The following CEP152 variants were observed in gnomAD, a reference collection of about 807,000 sequenced individuals.
The protein encoded by CEP152 is centrosomal protein 152.
CEP152 carries 132 observed loss-of-function variants against 188.9 expected under a neutral mutation model. The observed-to-expected ratio is 0.70, with a 90% CI of 0.61 to 0.81. The LOEUF (loss-of-function observed/expected upper bound fraction) is 0.81. Ranked by LOEUF, CEP152 falls within the 30% of genes least tolerant of loss-of-function variation. The pLI is 0.00. For synonymous variants in CEP152, 649 were observed against 666.6 expected (o/e 0.97, Z 0.41); for missense variants, 1,914 against 1,969.8 (o/e 0.97, Z 0.54).
chr15:48,806,676 G>C (rs1898004877), intron 1 of CEP152, among the ~76,000 whole-genome samples: 1 of 152,176 alleles, frequency 6.6e-6, no homozygotes, highest in African/African-American at 2.4e-5. Flanking sequence ...TTACCATAGA[G>C]AACTTAGCTC....
At chr15:48,773,488 G>A (rs1895694158) in intron 12 of CEP152, 1 of 152,384 alleles carries the variant, frequency 6.6e-6, no homozygotes, top group Admixed American at 6.6e-5. Context: ...AAAGAATTCA[G>A]AATTTGGGGA....
chr15:48,766,201 C>T (rs55936105), intron 17 of CEP152, among the ~76,000 whole-genome samples: 98 of 152,276 alleles, frequency 6.4e-4, no homozygotes, highest in African/African-American at 2.3e-3. Context: ...CTGAATTCCT[C>T]GCCTGCTCTT....
intron 6 of CEP152, among the ~76,000 whole-genome samples, chr15:48,794,466 T>C (rs1897168463): frequency 6.6e-6 from 1 of 152,206 alleles, no homozygotes; most frequent in South Asian, 2.1e-4. Flanking sequence ...GAAAAGTTTA[T>C]ACAAGTCAAA....
chr15:48,807,479 C>CG, intron 1 of CEP152, among the ~76,000 whole-genome samples: 1 of 151,520 alleles, frequency 6.6e-6, no homozygotes, highest in South Asian at 2.1e-4. Context: ...GGCGTGAACC[C>CG]GGGAAGCGGA....
intron 9 of CEP152, among the ~76,000 whole-genome samples, chr15:48,788,548 T>C (rs1324438803): frequency 1.3e-5 from 2 of 151,632 alleles, no homozygotes; most frequent in Non-Finnish European, 2.9e-5. Flanking sequence ...TTTCACCAAG[T>C]TGGCCAGGCT....
At chr15:48,796,183 C>A (rs780897987) in intron 5 of CEP152, 23 bp from the exon 6 acceptor site, 2 of 1,612,290 alleles carry the variant, frequency 1.2e-6, no homozygotes, top group Non-Finnish European at 8.5e-7. Flanking sequence ...ATGAAACTGA[C>A]AATTAAGATT....
Position 48,796,319 on chromosome 15 carries a change from CACACAT to C in CEP152, c.541-165_541-160del, listed in dbSNP as rs772036985. 4.1e-4 allele frequency among the ~76,000 whole-genome samples: 62 copies of C among 151,542 alleles called. 1 individual carries two copies. The highest frequency in any genetic ancestry group is 5.3e-4 in the Non-Finnish European group (36 of 67,826). ...ACACACACACACACACACACACACACACACATATATATATCTGCTCAAAAGTAGCAC... is the reference window on the plus strand; with the variant it reads ...ACACACACACACACACACACACACACATATATATCTGCTCAAAAGTAGCAC... On this transcript the variant is annotated intron_variant, in intron 5 of 26. Transcript: ENST00000380950.
At chr15:48,776,924 C>CTTTTCAAA (rs1895955574) in intron 12 of CEP152, among the ~76,000 whole-genome samples, 6 of 151,918 alleles carry the variant, frequency 3.9e-5, no homozygotes, top group African/African-American at 1.4e-4. Context: ...AAACAGTTGA[C>CTTTTCAAA]AGTATCTGCC....
At chr15:48,790,297 T>C (rs1355476671) in intron 8 of CEP152, among the ~76,000 whole-genome samples, 2 of 152,094 alleles carry the variant, frequency 1.3e-5, no homozygotes. Context: ...GAAGAGACAA[T>C]AAATAACAAG....
chr15:48,768,884 A>C, intron 14 of CEP152, 72 bp downstream of exon 14: 1 of 1,181,330 alleles, frequency 8.5e-7, no homozygotes, highest in Non-Finnish European at 1.2e-6. Context: ...ATTTGCAAAA[A>C]CTCTATTATA....
downstream of CEP152, among the ~76,000 whole-genome samples, chr15:48,736,210 A>G (rs2140532563): frequency 6.6e-6 from 1 of 152,274 alleles, no homozygotes; most frequent in Admixed American, 6.5e-5. Flanking sequence ...ACTCCATCCA[A>G]TATATAAAGA....
Position 48,797,649 on chromosome 15 carries a change from C to G in CEP152, c.261+12G>C. On this transcript the variant is annotated intron_variant, in intron 4 of 26. Transcript: ENST00000380950. ...CACCCTCACCAAAGTCATCATCACACCAGATACTTACATTTACACTTTGAG... is the reference window on the plus strand; with the variant it reads ...CACCCTCACCAAAGTCATCATCACAGCAGATACTTACATTTACACTTTGAG... The G allele has an allele frequency of 1.2e-6, 2 of 1,614,090 alleles. No homozygotes were observed. Among genetic ancestry groups the G allele is most frequent in the Non-Finnish European group, 1.7e-6 (2 of 1,179,976 alleles).
In CEP152 at chr15:48,797,576, A is replaced by T. The variant is rs758439346; in HGVS notation, c.265T>A (p.Tyr89Asn). Reference protein sequence around the residue: ...MLPKSQSVNGYNEIQSLYAGE... With the variant: ...MLPKSQSVNGNNEIQSLYAGE... Reference sequence around the variant, plus strand: ...GCATATAAACTCTGAATTTCATTATAGCCCTATTAGATAACAAGAGTAAAA... The same window carrying T: ...GCATATAAACTCTGAATTTCATTATTGCCCTATTAGATAACAAGAGTAAAA... Residue 89 changes from tyrosine to asparagine, a missense_variant, in exon 5 of 27, where the codon TAT becomes AAT. Transcript: ENST00000380950. 6.2e-7 allele frequency: 1 copy of T among 1,614,104 alleles called. No individual in the cohort carries two copies. The highest frequency in any genetic ancestry group is 8.5e-7 in the Non-Finnish European group (1 of 1,180,012).
At chr15:48,808,241 C>A in intron 1 of CEP152, among the ~76,000 whole-genome samples, 2 of 148,750 alleles carry the variant, frequency 1.3e-5, no homozygotes, top group Non-Finnish European at 1.5e-5. Flanking sequence ...ATATTCAGAA[C>A]AACAAAAGAG....
At position 48,772,699 on chromosome 15, in the gene CEP152, A is replaced by C. The variant is rs1377792460; in HGVS notation, c.1578-8T>G. The C allele has an allele frequency of 6.2e-7, 1 of 1,609,568 alleles. No individual in the cohort carries two copies. Among genetic ancestry groups the C allele is most frequent in the Non-Finnish European group, 8.5e-7 (1 of 1,176,208 alleles). The stretch of plus-strand genomic sequence containing the variant: ...TCTTCTTCTTGTACAATGCTAATGG[A>C]GAAATTGTGATTTTTAACATTAAAT... On this transcript the variant is annotated splice_polypyrimidine_tract_variant and splice_region_variant and intron_variant, in intron 12 of 26. Coordinates refer to ENST00000380950, the MANE Select transcript of CEP152 (RefSeq NM_001194998.2).
At chr15:48,804,181 T>C (rs8043404) in intron 2 of CEP152, among the ~76,000 whole-genome samples, 2,577 of 152,356 alleles carry the variant, frequency 0.017, 77 homozygotes, top group African/African-American at 0.059. Context: ...CATGTGCAAA[T>C]ACAGGCCAGG....
Position 48,755,966 on chromosome 15 carries a change from T to C in CEP152, c.3282A>G (p.Ile1094Met), listed in dbSNP as rs1018974682. The change falls in exon 20 of 27, where the codon ATA becomes ATG. Residue 1094 changes from isoleucine (I) to methionine (M), a missense_variant. Coordinates refer to ENST00000380950, the MANE Select transcript of CEP152 (RefSeq NM_001194998.2). ...VQYFEKLKGC[I>M]QKAFQDTLPL... ...GAAGTGTATCTTGAAATGCTTTCTGTATGCAGCCCTTTAGTTTTTCAAAAT... is the reference window on the plus strand; with the variant it reads ...GAAGTGTATCTTGAAATGCTTTCTGCATGCAGCCCTTTAGTTTTTCAAAAT... 4.3e-6 allele frequency: 7 copies of C among 1,614,140 alleles called. No individual in the cohort carries two copies. The highest frequency in any genetic ancestry group is 2.2e-5 in the South Asian group (2 of 91,084).
rs1475627117 is a variant in CEP152 at position 48,767,146 on chromosome 15, A to G, written c.2194T>C (p.Cys732Arg). 5 of 1,613,676 alleles carry G rather than the reference A, an allele frequency of 3.1e-6. No individual in the cohort carries two copies. In the East Asian group the frequency reaches 1.1e-4, roughly 36 times the overall value. The change falls in exon 17 of 27, where the codon TGT becomes CGT. Residue 732 changes from cysteine (C) to arginine (R), a missense_variant. Coordinates refer to ENST00000380950, the MANE Select transcript of CEP152 (RefSeq NM_001194998.2). Reference protein sequence around the residue: ...LNKEVTAVQECYLEVCREKDN... With the variant: ...LNKEVTAVQERYLEVCREKDN... ...TTCTCTCTGCACACTTCTAGGTAACATTCCTGCACAGCAGTCACCTCCTTA... is the reference window on the plus strand; with the variant it reads ...TTCTCTCTGCACACTTCTAGGTAACGTTCCTGCACAGCAGTCACCTCCTTA...
chr15:48,797,377 T>C lies in CEP152; in HGVS notation c.464A>G (p.Asn155Ser), dbSNP rs779936080. 7 of 1,614,016 alleles carry C rather than the reference T, an allele frequency of 4.3e-6. No homozygotes were observed. The African/African-American group carries it at 5.3e-5, about 12-fold the overall frequency. The change falls in exon 5 of 27, where the codon AAT (asparagine) becomes AGT (serine). Residue 155 changes from asparagine (N) to serine (S), a missense_variant. Coordinates refer to ENST00000380950, the MANE Select transcript of CEP152 (RefSeq NM_001194998.2). Reference sequence around the variant, plus strand: ...GTTATTAAATTCCTGCTTCTGACCATTGGTATATGGCCTAAAGTTTTCAGG... The same window carrying C: ...GTTATTAAATTCCTGCTTCTGACCACTGGTATATGGCCTAAAGTTTTCAGG... ...HLPENFRPYTNGQKQEFNNQA... is the reference protein window; with the variant it reads ...HLPENFRPYTSGQKQEFNNQA...
Sources: allele counts gnomAD v4.1 joint callset (sites outside exome capture counted in the v4.1 genomes callset), GRCh38; gene constraint gnomAD v4.1.1; transcripts MANE v1.5; gene names NCBI Gene and HGNC (gene_info 2026-07-23, HGNC 2026-07-21).